The following MARVELD3 variants were observed in gnomAD, a reference collection of about 807,000 sequenced individuals.
MARVELD3 encodes the protein MARVEL domain-containing protein 3.
A neutral mutation model predicts 33.5 loss-of-function variants in MARVELD3; 28 were observed. That is an observed-to-expected ratio of 0.84 (90% CI 0.62 to 1.15). The LOEUF (loss-of-function observed/expected upper bound fraction) is 1.15. MARVELD3 is among the 50% of genes most tolerant of loss of function. The pLI, the probability that MARVELD3 is intolerant of heterozygous loss-of-function variation, is 0.00. For missense variants in MARVELD3, 582 were observed against 547.6 expected (o/e 1.06, Z -0.63); for synonymous variants, 241 against 230.4 (o/e 1.05, Z -0.42).
chr16:71,634,777 A>G lies in MARVELD3; in HGVS notation c.1180A>G (p.Lys394Glu). 6.2e-7 allele frequency: 1 copy of G among 1,603,798 alleles called. No homozygotes were observed. ...GYRKVRKLKEKPAEMFEF is the reference protein window; with the variant it reads ...GYRKVRKLKEEPAEMFEF ...CCGAAAAGTTAGGAAGCTAAAAGAG[A>G]AGCCAGCAGAAATGTTTGAATTTTA... The change falls in exon 3 of 3, where the codon AAG (lysine) becomes GAG (glutamate). Residue 394 changes from lysine (K) to glutamate (E), a missense_variant. Lys to Glu is a moderately conservative substitution (Grantham distance 56, BLOSUM62 1). Coordinates refer to ENST00000268485, the MANE Select transcript of MARVELD3 (RefSeq NM_052858.6).
chr16:71,634,529 T>C lies in MARVELD3; in HGVS notation c.932T>C (p.Met311Thr). The C allele has an allele frequency of 1.9e-6, 3 of 1,614,216 alleles. No homozygotes were observed. The highest frequency in any genetic ancestry group is 2.5e-6 in the Non-Finnish European group (3 of 1,180,048). ...LLLVTEGLLDMLIAGGYIPAL... is the reference protein window; with the variant it reads ...LLLVTEGLLDTLIAGGYIPAL... ...CTGGTGACCGAAGGCTTGTTGGACA[T>C]GCTCATCGCGGGGGGGTACATCCCG... The change falls in exon 3 of 3, where the codon ATG (methionine) becomes ACG (threonine). Residue 311 changes from methionine (M) to threonine (T), a missense_variant. Transcript: ENST00000268485.
At position 71,626,367 on chromosome 16, in the gene MARVELD3, C is replaced by G; in HGVS notation, c.138C>G (p.Ser46Arg). ...CCGGGGACCCGCGCAGGAAGCGAAG[C>G]AGCGACGGGAACCGGCGAAGGGACG... is the stretch of plus-strand genomic sequence containing the variant. ...DRPGDPRRKR[S>R]SDGNRRRDGD... is the part of the protein sequence containing the mutation. The change falls in exon 1 of 3, where the codon AGC becomes AGG. Residue 46 changes from serine (S) to arginine (R), a missense_variant. Coordinates refer to ENST00000268485, the MANE Select transcript of MARVELD3 (RefSeq NM_052858.6). This position sits in a 1 kb window ranked among gnomAD's most constrained non-coding sequence, Gnocchi z 5.3. 1 of 1,548,228 alleles carries G rather than the reference C, an allele frequency of 6.5e-7. No homozygotes were observed. Among genetic ancestry groups the G allele is most frequent in the Non-Finnish European group, 8.7e-7 (1 of 1,146,720 alleles).
chr16:71,635,054 T>G lies in MARVELD3; in HGVS notation c.*251T>G. ...TCAAAAAGCAAAAAAATGGCCGGCC[T>G]CGGCGGCTCACACCTGTAACCCCAG... On this transcript the variant is annotated 3_prime_UTR_variant, in exon 3 of 3. Transcript: ENST00000268485. The G allele has an allele frequency of 1.7e-6, 2 of 1,159,002 alleles. No individual in the cohort carries two copies. The highest frequency in any genetic ancestry group is 1.1e-6 in the Non-Finnish European group (1 of 935,486). 71.8% of individuals were successfully genotyped at this position (1,159,002 alleles called of 1,614,324 possible).
downstream of MARVELD3, chr16:71,640,724 G>A (rs766052344): frequency 9.3e-6 from 15 of 1,614,100 alleles, no homozygotes; most frequent in Admixed American, 3.3e-5. Flanking sequence ...GCCTCCTAGC[G>A]GCAGTGGGCT....
chr16:71,633,675 G>GTGAGC (rs2044553466), intron 2 of MARVELD3, among the ~76,000 whole-genome samples: 1 of 150,974 alleles, frequency 6.6e-6, no homozygotes, highest in Non-Finnish European at 1.5e-5. Context: ...GATTACAGGC[G>GTGAGC]TGAGCCACCA....
downstream of MARVELD3, chr16:71,641,137 C>T: frequency 5.9e-6 from 8 of 1,348,930 alleles, no homozygotes; most frequent in Non-Finnish European, 7.0e-6. Flanking sequence ...TTTATAAATG[C>T]TCTCTTTGGA....
At position 71,634,518 on chromosome 16, in the gene MARVELD3, C is replaced by T. The variant is rs2044564342; in HGVS notation, c.921C>T (p.Gly307=). Residue 307 remains glycine (G), a synonymous_variant, in exon 3 of 3, where the codon GGC becomes GGT. Coordinates refer to ENST00000268485, the MANE Select transcript of MARVELD3 (RefSeq NM_052858.6). The stretch of plus-strand genomic sequence containing the variant: ...GTCCACTGTTGCTGGTGACCGAAGG[C>T]TTGTTGGACATGCTCATCGCGGGGG... ...WHCPLLLVTE[G]LLDMLIAGGY... 6.2e-7 allele frequency: 1 copy of T among 1,614,182 alleles called. No individual in the cohort carries two copies.
chr16:71,639,395 A>T (rs1445635652), downstream of MARVELD3: 1 of 147,796 alleles, frequency 6.8e-6, no homozygotes, highest in Non-Finnish European at 1.5e-5. Flanking sequence ...TTCACTCATC[A>T]TAATTCCCTT....
chr16:71,640,733 C>A, downstream of MARVELD3: 5 of 1,614,236 alleles, frequency 3.1e-6, no homozygotes, highest in Non-Finnish European at 4.2e-6. Context: ...CGGCAGTGGG[C>A]TACTGCACAG....
chr16:71,634,314 G>T lies in MARVELD3; in HGVS notation c.717G>T (p.Gln239His), dbSNP rs764403459. The T allele has an allele frequency of 3.1e-6, 5 of 1,614,214 alleles. No homozygotes were observed. The East Asian group carries it at 6.7e-5, about 22-fold the overall frequency. Residue 239 changes from glutamine (Q) to histidine (H), a missense_variant, in exon 3 of 3, where the codon CAG becomes CAT. Coordinates refer to ENST00000268485, the MANE Select transcript of MARVELD3 (RefSeq NM_052858.6). ...GCTTGGGGGGCATTTACTACTATCAGTTCGGAGGGGCTTACAGTGGCTTTG... is the reference window on the plus strand; with the variant it reads ...GCTTGGGGGGCATTTACTACTATCATTTCGGAGGGGCTTACAGTGGCTTTG... The part of the protein sequence containing the change: ...ITSLGGIYYY[Q>H]FGGAYSGFDG...
At chr16:71,631,168 G>A (rs1028625504) in intron 2 of MARVELD3, among the ~76,000 whole-genome samples, 1 of 152,134 alleles carries the variant, frequency 6.6e-6, no homozygotes, top group Non-Finnish European at 1.5e-5. Flanking sequence ...AGGCAATGCA[G>A]GTACAAGGAT....
downstream of MARVELD3, among the ~76,000 whole-genome samples, chr16:71,636,979 G>A (rs1469061247): frequency 6.6e-6 from 1 of 152,106 alleles, no homozygotes; most frequent in Non-Finnish European, 1.5e-5. Context: ...TTCCGGAGAC[G>A]TGTCCCATCC....
At chr16:71,639,899 C>A (rs1359782045), downstream of MARVELD3, among the ~76,000 whole-genome samples, 1 of 152,174 alleles carries the variant, frequency 6.6e-6, no homozygotes, top group Non-Finnish European at 1.5e-5. Context: ...ATGTCCACGT[C>A]TTTGTTTTCA....
At chr16:71,637,328 T>C (rs1361016837), downstream of MARVELD3, among the ~76,000 whole-genome samples, 2 of 152,156 alleles carry the variant, frequency 1.3e-5, no homozygotes, top group South Asian at 2.1e-4. Flanking sequence ...ATTTTCAGTA[T>C]AGTATTTCTG....
At chr16:71,632,970 G>A (rs1157786706) in intron 2 of MARVELD3, among the ~76,000 whole-genome samples, 1 of 151,948 alleles carries the variant, frequency 6.6e-6, no homozygotes, top group Non-Finnish European at 1.5e-5. Context: ...TAACTTCCAC[G>A]CTTTTTTTCT....
chr16:71,627,230 C>T (rs1212227092), intron 1 of MARVELD3, among the ~76,000 whole-genome samples: 3 of 152,212 alleles, frequency 2.0e-5, no homozygotes, highest in African/African-American at 7.2e-5. Flanking sequence ...TGGGCCGGCG[C>T]GGTGGCTCAT....
chr16:71,635,462 C>T lies in MARVELD3; in HGVS notation c.*659C>T. 1.0e-6 allele frequency: 1 copy of T among 985,188 alleles called. No individual in the cohort carries two copies. The highest frequency in any genetic ancestry group is 1.2e-6 in the Non-Finnish European group (1 of 829,972). 61.0% of individuals were successfully genotyped at this position (985,188 alleles called of 1,614,324 possible). Reference sequence around the variant, plus strand: ...TTGATGAACCTTACCTTCAAAGTTCCTGGGCACAGTGGCTCACACCTGTAA... The same window carrying T: ...TTGATGAACCTTACCTTCAAAGTTCTTGGGCACAGTGGCTCACACCTGTAA... On this transcript the variant is annotated 3_prime_UTR_variant, in exon 3 of 3. Coordinates refer to ENST00000268485, the MANE Select transcript of MARVELD3 (RefSeq NM_052858.6).
At chr16:71,639,262 G>A (rs1370139573), downstream of MARVELD3, 1 of 151,476 alleles carries the variant, frequency 6.6e-6, no homozygotes, top group African/African-American at 2.4e-5. Context: ...GTAGAGCTGG[G>A]GTTTCACCAC....
At chr16:71,629,209 C>A in intron 1 of MARVELD3, 158 bp from the exon 2 acceptor site, 1 of 773,932 alleles carries the variant, frequency 1.3e-6, no homozygotes, top group Non-Finnish European at 1.9e-6. Context: ...TCCCGTGGGG[C>A]CACTAAACCA....
Sources: allele counts gnomAD v4.1 joint callset (sites outside exome capture counted in the v4.1 genomes callset), GRCh38; gene constraint gnomAD v4.1.1; non-coding constraint Gnocchi (gnomAD v3.1); transcripts MANE v1.5; gene names NCBI Gene and HGNC (gene_info 2026-07-23, HGNC 2026-07-21).